SPTBN4: variants seen among roughly 807,000 people sequenced by gnomAD.
SPTBN4 encodes spectrin beta, non-erythrocytic 4, also known as spectrin beta chain, non-erythrocytic 4.
In SPTBN4, 96 loss-of-function variants were observed where a neutral mutation model predicts 277.8. That is an observed-to-expected ratio of 0.35 (90% confidence interval 0.29 to 0.41). SPTBN4 has a LOEUF of 0.41. Among genes scored for constraint, SPTBN4 ranks in the 10% least tolerant of loss-of-function variants. The pLI, the probability that SPTBN4 is intolerant of heterozygous loss-of-function variation, is 1.00. For missense variants in SPTBN4, 3,006 were observed against 3,595.7 expected (o/e 0.84, Z 4.19); for synonymous variants, 1,481 against 1,580.3 (o/e 0.94, Z 1.49).
Position 40,512,990 on chromosome 19 carries a change from C to T in SPTBN4, c.2201C>T (p.Pro734Leu), listed in dbSNP as rs1284203771. The change falls in exon 14 of 36, where the codon CCG becomes CTG. Residue 734 changes from proline to leucine, a missense_variant. Pro to Leu is a moderately conservative substitution (Grantham distance 98). Coordinates refer to ENST00000598249, the MANE Select transcript of SPTBN4 (RefSeq NM_020971.3). ...GTTGCGGCCGGCGGTGCCGTCGGCC[C>T]GGGAGCAGACACCGTGCACCTGGTA... ...ELVAAGGAVG[P>L]GADTVHLVGL... The T allele has an allele frequency of 1.4e-6, 2 of 1,420,556 alleles. No homozygotes were observed. The highest frequency in any genetic ancestry group is 1.5e-5 in the African/African-American group (1 of 66,202). The allele number at this position is 1,420,556 out of a possible 1,614,324, so 88.0% of individuals were successfully genotyped here. A position where few individuals can be genotyped will look rare whatever the true frequency, so the allele number is the denominator to read the frequency against.
chr19:40,528,215 G>GGGAT (rs1166774776), intron 17 of SPTBN4, among the ~76,000 whole-genome samples: 2 of 152,098 alleles, frequency 1.3e-5, no homozygotes, highest in African/African-American at 4.8e-5. Flanking sequence ...GAGCCCATGT[G>GGGAT]GGATGCCCCA....
chr19:40,494,709 A>G (rs2080176246), intron 5 of SPTBN4, among the ~76,000 whole-genome samples, 188 bp from the exon 6 acceptor site: 1 of 151,622 alleles, frequency 6.6e-6, no homozygotes, highest in Non-Finnish European at 1.5e-5. Flanking sequence ...CCTGTCTATC[A>G]TCTATCTGTG....
In SPTBN4 at chr19:40,560,558, G is replaced by A; in HGVS notation, c.5915+155G>A. 7.2e-6 allele frequency: 11 copies of A among 1,519,156 alleles called. No individual in the cohort carries two copies. The highest frequency in any genetic ancestry group is 9.7e-6 in the Non-Finnish European group (11 of 1,135,910). The allele number at this position is 1,519,156 out of a possible 1,614,324, so 94.1% of individuals were successfully genotyped here. On this transcript the variant is annotated intron_variant, in intron 27 of 35. Transcript: ENST00000598249. This position sits in a 1 kb window ranked among gnomAD's most constrained non-coding sequence, Gnocchi z 5.2. ...AGGCACTGTTCTAGGTGCTTCGTGT[G>A]TATTCAGACCCCTTTTTTAGGCCTG...
At chr19:40,480,598 A>G (rs2080000212) in intron 2 of SPTBN4, among the ~76,000 whole-genome samples, 1 of 152,138 alleles carries the variant, frequency 6.6e-6, no homozygotes, top group Non-Finnish European at 1.5e-5. Context: ...TATGTCCGGC[A>G]TTATTCACTC....
In SPTBN4 at chr19:40,490,957, A is replaced by G. The variant is rs1340434508; in HGVS notation, c.495+709A>G. On this transcript the variant is annotated intron_variant, in intron 4 of 35. Coordinates refer to ENST00000598249, the MANE Select transcript of SPTBN4 (RefSeq NM_020971.3). The surrounding 1 kb of genome is among the most constrained non-coding windows in gnomAD (Gnocchi z 4.3). ...CTCAGGAGGCTGAGGCAGGAGGATC[A>G]CTTGAGCCCAGCAGTGTGAGGCTGC... Among the ~76,000 whole-genome samples, 1 of 151,962 alleles carries G rather than the reference A, an allele frequency of 6.6e-6. No homozygotes were observed. Among genetic ancestry groups the G allele is most frequent in the Non-Finnish European group, 1.5e-5 (1 of 67,990 alleles).
At chr19:40,488,270 G>A (rs766362943) in intron 3 of SPTBN4, among the ~76,000 whole-genome samples, 2 of 152,008 alleles carry the variant, frequency 1.3e-5, no homozygotes, top group Non-Finnish European at 2.9e-5. Flanking sequence ...GGATGAAGGT[G>A]CGGGGCTCTA....
intron 4 of SPTBN4, among the ~76,000 whole-genome samples, chr19:40,491,859 CT>C (rs1247776069): frequency 6.6e-6 from 1 of 150,956 alleles, no homozygotes; most frequent in South Asian, 2.1e-4. Context: ...CCTATCTCTA[CT>C]AAAAATACCA....
intron 2 of SPTBN4, among the ~76,000 whole-genome samples, chr19:40,483,751 G>C (rs1211721738): frequency 2.0e-5 from 3 of 152,124 alleles, no homozygotes; most frequent in Non-Finnish European, 2.9e-5. Flanking sequence ...AGCAGGTTTT[G>C]GCTAGTACTA....
chr19:40,574,152 G>C (rs2145965975), intron 35 of SPTBN4, among the ~76,000 whole-genome samples: 1 of 151,830 alleles, frequency 6.6e-6, no homozygotes, highest in South Asian at 2.1e-4. Context: ...AACAAAAAAA[G>C]ATTCCTTTGG....
At chr19:40,566,503 G>C in intron 30 of SPTBN4, 144 bp downstream of exon 30, 2 of 713,330 alleles carry the variant, frequency 2.8e-6, no homozygotes, top group South Asian at 3.2e-5. Context: ...TAGGCTCCCA[G>C]TGGAGCAGAG....
At chr19:40,569,531 A>G in intron 31 of SPTBN4, 126 bp from the exon 32 acceptor site, 1 of 883,540 alleles carries the variant, frequency 1.1e-6, no homozygotes, top group Non-Finnish European at 1.8e-6. Context: ...TGAGAGAAAC[A>G]GCTGCAGAAG....
At chr19:40,529,555 GC>G (rs913231150) in intron 18 of SPTBN4, among the ~76,000 whole-genome samples, 4 of 152,154 alleles carry the variant, frequency 2.6e-5, no homozygotes, top group African/African-American at 7.2e-5. Context: ...CCAAGCCCTC[GC>G]CCCTTTAAAG....
chr19:40,491,606 A>G (rs1259742297), intron 4 of SPTBN4, among the ~76,000 whole-genome samples: 1 of 148,556 alleles, frequency 6.7e-6, no homozygotes, highest in Non-Finnish European at 1.5e-5. Context: ...ACTGGGCTTC[A>G]TGGTGCACGC....
At chr19:40,532,809 C>T in intron 19 of SPTBN4, 38 bp downstream of exon 19, 2 of 1,578,654 alleles carry the variant, frequency 1.3e-6, no homozygotes, top group Non-Finnish European at 1.7e-6. Flanking sequence ...GTGCCAGGTG[C>T]AGGAGGCCTC....
intron 15 of SPTBN4, among the ~76,000 whole-genome samples, chr19:40,517,850 A>G (rs2080477961): frequency 6.6e-6 from 1 of 152,164 alleles, no homozygotes; most frequent in South Asian, 2.1e-4. Context: ...GATTTGCCCA[A>G]GGTCACATGG....
intron 19 of SPTBN4, among the ~76,000 whole-genome samples, chr19:40,533,648 C>T (rs998135956): frequency 1.4e-4 from 22 of 152,192 alleles, no homozygotes; most frequent in African/African-American, 5.3e-4. Context: ...CTCTCCCTGC[C>T]TCTCTGGCTC....
Position 40,515,852 on chromosome 19 carries a change from G to T in SPTBN4, c.2903+404G>T, listed in dbSNP as rs1277458475. On this transcript the variant is annotated intron_variant, in intron 15 of 35. Coordinates refer to ENST00000598249, the MANE Select transcript of SPTBN4 (RefSeq NM_020971.3). The surrounding 1 kb of genome is among the most constrained non-coding windows in gnomAD (Gnocchi z 4.1). ...AGCCTGGGCAACATGGTGAAACCCCGTCTCTCTCTCTACGTGCGCGCACAC... is the reference window on the plus strand; with the variant it reads ...AGCCTGGGCAACATGGTGAAACCCCTTCTCTCTCTCTACGTGCGCGCACAC... Among the ~76,000 whole-genome samples the T allele has an allele frequency of 1.4e-5, 2 of 145,718 alleles. No homozygotes were observed. The highest frequency in any genetic ancestry group is 3.0e-5 in the Non-Finnish European group (2 of 66,624).
rs1359345591 is a variant in SPTBN4, at chr19:40,567,779, G to A, written c.6453G>A (p.Gly2151=). The change falls in exon 31 of 36, where the codon GGG becomes GGA. Residue 2151 remains glycine (G), a synonymous_variant. Coordinates refer to ENST00000598249, the MANE Select transcript of SPTBN4 (RefSeq NM_020971.3). ...AGGCGGCGCCCCTGCTGCGGCCAGG[G>A]GGCTATGAAAGGGGCTTGGAGCCCC... ...AAKAAPLLRP[G]GYERGLEPLA... 1 of 1,526,060 alleles carries A rather than the reference G, an allele frequency of 6.6e-7. No homozygotes were observed. The highest frequency in any genetic ancestry group is 2.6e-5 in the East Asian group (1 of 38,488). The allele number at this position is 1,526,060 out of a possible 1,614,324, so 94.5% of individuals were successfully genotyped here. A position where few individuals can be genotyped will look rare whatever the true frequency, so the allele number is the denominator to read the frequency against.
chr19:40,529,346 C>T (rs1437367358), intron 18 of SPTBN4, among the ~76,000 whole-genome samples: 1 of 152,228 alleles, frequency 6.6e-6, no homozygotes, highest in African/African-American at 2.4e-5. Flanking sequence ...AAGGAGGGGC[C>T]CCGGGCGCCC....
Sources: allele counts gnomAD v4.1 joint callset (sites outside exome capture counted in the v4.1 genomes callset), GRCh38; gene constraint gnomAD v4.1.1; non-coding constraint Gnocchi (gnomAD v3.1); transcripts MANE v1.5; gene names NCBI Gene and HGNC (gene_info 2026-07-23, HGNC 2026-07-21).